SLC36A1: variants seen among roughly 807,000 people sequenced by gnomAD.
SLC36A1 encodes proton-coupled amino acid transporter 1.
Under a neutral mutation model 47.5 loss-of-function variants are expected in SLC36A1, and 30 were observed. The ratio of observed to expected loss-of-function variants is 0.63; its 90% CI spans 0.47 to 0.86. The LOEUF is 0.86. Ranked by LOEUF, SLC36A1 falls within the 40% of genes least tolerant of loss-of-function variation. The probability of loss-of-function intolerance (pLI) is 0.00; values close to 1 mark genes in which losing one functional copy is unlikely to be tolerated. For synonymous variants in SLC36A1, 255 were observed against 249.7 expected (o/e 1.02, Z -0.20); for missense variants, 517 against 606.0 (o/e 0.85, Z 1.54).
the SLC36A1 span, among the ~76,000 whole-genome samples, chr5:151,521,076 G>T: frequency 2.0e-5 from 3 of 152,280 alleles, no homozygotes; most frequent in South Asian, 2.1e-4. Flanking sequence ...TCTAAATCTC[G>T]AAAGGGAGCT....
At chr5:151,424,537 A>T in the SLC36A1 span, among the ~76,000 whole-genome samples, 1 of 152,206 alleles carries the variant, frequency 6.6e-6, no homozygotes, top group Non-Finnish European at 1.5e-5. Context: ...TCACAGACTC[A>T]TTTTGCATGA....
the SLC36A1 span, among the ~76,000 whole-genome samples, chr5:151,371,334 G>T: frequency 6.6e-6 from 1 of 152,138 alleles, no homozygotes; most frequent in Non-Finnish European, 1.5e-5. Context: ...ATGAGAAAAT[G>T]TACACAAGCA....
chr5:151,551,384 C>T, the SLC36A1 span: 1 of 1,462,320 alleles, frequency 6.8e-7, no homozygotes, highest in Non-Finnish European at 9.3e-7. Flanking sequence ...ACCACATCCA[C>T]AGAAAACCTC....
At chr5:151,525,741 C>T in the SLC36A1 span, 48 of 1,613,432 alleles carry the variant, frequency 3.0e-5, no homozygotes, top group African/African-American at 6.1e-4. Flanking sequence ...CCCATGGTCA[C>T]CACCAGAAGC....
At chr5:151,360,427 A>G in the SLC36A1 span, among the ~76,000 whole-genome samples, 3 of 152,154 alleles carry the variant, frequency 2.0e-5, no homozygotes, top group Non-Finnish European at 4.4e-5. Flanking sequence ...CATTAAATGG[A>G]GTTGGGTCAT....
chr5:151,533,803 T>C, the SLC36A1 span, among the ~76,000 whole-genome samples: 1 of 152,044 alleles, frequency 6.6e-6, no homozygotes, highest in South Asian at 2.1e-4. Flanking sequence ...TATGTATACA[T>C]GCAGGTATGT....
At chr5:151,435,508 G>A (rs1438035873), upstream of SLC36A1, among the ~76,000 whole-genome samples, 3 of 151,922 alleles carry the variant, frequency 2.0e-5, no homozygotes, top group African/African-American at 7.3e-5. Context: ...TGGAGCATAA[G>A]GAAAAGAAAC....
chr5:151,539,392 A>G, the SLC36A1 span, among the ~76,000 whole-genome samples: 1 of 152,234 alleles, frequency 6.6e-6, no homozygotes, highest in Non-Finnish European at 1.5e-5. Context: ...ATGCAAATGC[A>G]TATGTAAGTA....
At chr5:151,536,808 A>T in the SLC36A1 span, among the ~76,000 whole-genome samples, 1 of 152,024 alleles carries the variant, frequency 6.6e-6, no homozygotes, top group Non-Finnish European at 1.5e-5. Flanking sequence ...TGGCCATGAC[A>T]CTCACCTGCC....
upstream of SLC36A1, among the ~76,000 whole-genome samples, chr5:151,446,093 T>C (rs893387310): frequency 2.0e-5 from 3 of 152,238 alleles, no homozygotes; most frequent in African/African-American, 7.2e-5. Flanking sequence ...TCTCTTTTAA[T>C]GTAGGCATTT....
chr5:151,541,850 C>G, the SLC36A1 span, among the ~76,000 whole-genome samples: 2 of 152,344 alleles, frequency 1.3e-5, no homozygotes, highest in South Asian at 4.1e-4. Context: ...CACTTAGGAC[C>G]TGTGATTGAC....
At chr5:151,383,783 G>A in the SLC36A1 span, among the ~76,000 whole-genome samples, 1 of 152,174 alleles carries the variant, frequency 6.6e-6, no homozygotes, top group South Asian at 2.1e-4. Context: ...ATGTTGGCCA[G>A]GCTGGTCTCA....
chr5:151,521,823 G>A, the SLC36A1 span: 1 of 1,614,142 alleles, frequency 6.2e-7, no homozygotes. Flanking sequence ...GCAGGCCCTG[G>A]GCGGCGATAA....
At chr5:151,348,827 GT>G in the SLC36A1 span, among the ~76,000 whole-genome samples, 1 of 152,002 alleles carries the variant, frequency 6.6e-6, no homozygotes, top group South Asian at 2.1e-4. Context: ...CGCTAGCCAG[GT>G]TTTTTTTGGT....
At chr5:151,527,963 G>C in the SLC36A1 span, 1 of 1,609,874 alleles carries the variant, frequency 6.2e-7, no homozygotes, top group East Asian at 2.2e-5. Context: ...CTGCTCTAAT[G>C]AGCTCAGGGT....
chr5:151,526,640 T>G, the SLC36A1 span, among the ~76,000 whole-genome samples: 1 of 152,326 alleles, frequency 6.6e-6, no homozygotes, highest in East Asian at 1.9e-4. Context: ...ACTGGCGATA[T>G]TCTCAGAAAA....
chr5:151,428,994 C>T, the SLC36A1 span, among the ~76,000 whole-genome samples: 44,127 of 151,930 alleles, frequency 0.29, 7,525 homozygotes, highest in African/African-American at 0.48. Context: ...GTAAAGCTGT[C>T]ACATCTCTGG....
At chr5:151,532,058 G>A in the SLC36A1 span, 3 of 1,520,954 alleles carry the variant, frequency 2.0e-6, no homozygotes, top group East Asian at 2.3e-5. Flanking sequence ...AGGAGGGGCT[G>A]GGGAGGGGCT....
chr5:151,457,590 C>T (rs1038476940), intron 1 of SLC36A1, among the ~76,000 whole-genome samples: 1 of 152,098 alleles, frequency 6.6e-6, no homozygotes, highest in African/African-American at 2.4e-5. Context: ...GAGACGAGGG[C>T]CAGGGTGAGC....
Sources: gnomAD v4.1 joint callset for allele counts (sites outside exome capture counted in the v4.1 genomes callset) on GRCh38, gnomAD v4.1.1 for gene constraint, MANE v1.5 for transcripts, NCBI Gene and HGNC (gene_info 2026-07-23, HGNC 2026-07-21) for gene names.